COLEC12: variants seen among roughly 807,000 people sequenced by gnomAD.
COLEC12 encodes collectin-12.
Under a neutral mutation model 71.1 loss-of-function variants are expected in COLEC12, and 33 were observed. The observed-to-expected ratio is 0.46, with a 90% CI of 0.35 to 0.62. The LOEUF (loss-of-function observed/expected upper bound fraction) is 0.62. COLEC12 is among the 20% of genes least tolerant of loss of function. The pLI is 0.00. For missense variants in COLEC12, 765 were observed against 916.1 expected (o/e 0.84, Z 2.13); for synonymous variants, 350 against 353.0 (o/e 0.99, Z 0.10).
chr18:340,074 CA>C (rs60991743), intron 5 of COLEC12, among the ~76,000 whole-genome samples: 1,597 of 94,178 alleles, frequency 0.017, 8 homozygotes, highest in Non-Finnish European at 0.023. Context: ...TGCCTGAAAG[CA>C]AAAAAAAAAA....
At chr18:363,087 T>C (rs988667849) in intron 2 of COLEC12, among the ~76,000 whole-genome samples, 21 of 152,068 alleles carry the variant, frequency 1.4e-4, no homozygotes, top group African/African-American at 4.6e-4. Context: ...GGGGGAATAA[T>C]TGAAACGCTC....
intron 2 of COLEC12, among the ~76,000 whole-genome samples, chr18:469,515 T>C (rs1917152683): frequency 6.6e-6 from 1 of 152,214 alleles, no homozygotes; most frequent in Non-Finnish European, 1.5e-5. Flanking sequence ...GGACTAAGAA[T>C]GACCCTTTCC....
At chr18:324,979 A>G (rs112175770) in intron 8 of COLEC12, among the ~76,000 whole-genome samples, 41,099 of 152,076 alleles carry the variant, frequency 0.27, 5,810 homozygotes, top group African/African-American at 0.3. Context: ...ACTCGAGGCC[A>G]GGAGTTCAAG....
chr18:406,667 T>G (rs1373137805), intron 2 of COLEC12, among the ~76,000 whole-genome samples: 2 of 152,216 alleles, frequency 1.3e-5, no homozygotes, highest in Non-Finnish European at 2.9e-5. Flanking sequence ...TTGTGTGAGA[T>G]CCAAGAACCT....
Position 347,032 on chromosome 18 carries a change from T to G in COLEC12, c.590A>C (p.Tyr197Ser). 1 of 1,614,210 alleles carries G rather than the reference T, an allele frequency of 6.2e-7. No homozygotes were observed. The highest frequency in any genetic ancestry group is 8.5e-7 in the Non-Finnish European group (1 of 1,180,036). ...VLQGNLQNQMYSHNVVIMNLN... is the reference protein window; with the variant it reads ...VLQGNLQNQMSSHNVVIMNLN... ...GTTCATGATGACCACATTATGAGAA[T>G]ACATTTGGTTCTGCAGATTGCCCTG... Residue 197 changes from tyrosine (Y) to serine (S), a missense_variant, in exon 5 of 10, where the codon TAT becomes TCT. Tyr to Ser is a moderately radical substitution (Grantham distance 144, BLOSUM62 -2). Coordinates refer to ENST00000400256, the MANE Select transcript of COLEC12 (RefSeq NM_130386.3).
intron 2 of COLEC12, among the ~76,000 whole-genome samples, chr18:469,320 G>C (rs536601031): frequency 6.6e-6 from 1 of 152,376 alleles, no homozygotes; most frequent in South Asian, 2.1e-4. Flanking sequence ...CTGCGGGTGA[G>C]AGAGGAGGCA....
At chr18:324,701 T>C (rs528065005) in intron 8 of COLEC12, among the ~76,000 whole-genome samples, 1 of 151,944 alleles carries the variant, frequency 6.6e-6, no homozygotes, top group East Asian at 1.9e-4. Context: ...TGGTGGCAGG[T>C]GCCCGGAGTC....
chr18:340,768 C>T (rs576186028), intron 5 of COLEC12, among the ~76,000 whole-genome samples: 3 of 152,310 alleles, frequency 2.0e-5, no homozygotes, highest in Non-Finnish European at 4.4e-5. Flanking sequence ...TTTGAATGCA[C>T]TTAATCAAAT....
chr18:440,930 C>A (rs1318388303), intron 2 of COLEC12, among the ~76,000 whole-genome samples: 2 of 152,090 alleles, frequency 1.3e-5, no homozygotes, highest in African/African-American at 2.4e-5. Flanking sequence ...TATAAATAGG[C>A]TCCCTACAGC....
In COLEC12 at chr18:399,714, C is replaced by T. The variant is rs115171961; in HGVS notation, c.59-42192G>A. Among the ~76,000 whole-genome samples, 298 of 152,240 alleles carry T rather than the reference C, an allele frequency of 2.0e-3. 2 individuals carry two copies. Among genetic ancestry groups the T allele is most frequent in the African/African-American group, 5.9e-3 (247 of 41,542 alleles). ...ACCTGTTGTTAGTTCAACGGGGATG[C>T]GGAATTTGGGGTGGATGCCGAGCGC... On this transcript the variant is annotated intron_variant, in intron 2 of 9. Coordinates refer to ENST00000400256, the MANE Select transcript of COLEC12 (RefSeq NM_130386.3). This position sits in a 1 kb window ranked among gnomAD's most constrained non-coding sequence, Gnocchi z 4.0.
chr18:325,627 CTTTTTTTTTTTT>C (rs760407917), intron 8 of COLEC12, among the ~76,000 whole-genome samples: 5 of 51,838 alleles, frequency 9.6e-5, no homozygotes, highest in South Asian at 1.3e-3. Context: ...AAGGATCAGC[CTTTTTTTTTTTT>C]TTTTTTTTTT....
intron 2 of COLEC12, among the ~76,000 whole-genome samples, chr18:457,918 C>T (rs532996339): frequency 9.8e-5 from 15 of 152,294 alleles, no homozygotes; most frequent in African/African-American, 3.4e-4. Flanking sequence ...CCAACAGTTA[C>T]AGTAAGTTTG....
At chr18:445,634 A>ATTTTT (rs1916631509) in intron 2 of COLEC12, among the ~76,000 whole-genome samples, 1 of 23,018 alleles carries the variant, frequency 4.3e-5, no homozygotes, top group Non-Finnish European at 8.8e-5. Context: ...CCACTAATCC[A>ATTTTT]CTTTTTTTTT....
chr18:363,516 C>G (rs1567885071), intron 2 of COLEC12, among the ~76,000 whole-genome samples: 1 of 152,130 alleles, frequency 6.6e-6, no homozygotes. Flanking sequence ...TCGCAGTGAA[C>G]TTTTCATGTG....
intron 2 of COLEC12, among the ~76,000 whole-genome samples, chr18:366,834 G>A (rs1364177305): frequency 1.3e-5 from 2 of 152,202 alleles, no homozygotes; most frequent in African/African-American, 2.4e-5. Flanking sequence ...CTGTGGGCCG[G>A]GGTATGGATG....
chr18:332,961 A>G lies in COLEC12; in HGVS notation c.1953+46T>C, dbSNP rs2305028. 5 of 1,500,608 alleles carry G rather than the reference A, an allele frequency of 3.3e-6. No homozygotes were observed. The East Asian group carries it at 1.2e-4, about 35-fold the overall frequency. 93.0% of individuals were successfully genotyped at this position (1,500,608 alleles called of 1,614,324 possible). A position where few individuals can be genotyped will look rare whatever the true frequency, so the allele number is the denominator to read the frequency against. On this transcript the variant is annotated intron_variant, in intron 7 of 9. Coordinates refer to ENST00000400256, the MANE Select transcript of COLEC12 (RefSeq NM_130386.3). ...AGCCTGCAATTTCCAGATGTAAACT[A>G]TCCTTAAATTATAGTTTTCCCCAAC...
chr18:338,061 T>A (rs1214383185), intron 5 of COLEC12, among the ~76,000 whole-genome samples: 1 of 152,326 alleles, frequency 6.6e-6, no homozygotes, highest in Non-Finnish European at 1.5e-5. Context: ...CCCCACCTGA[T>A]CAGTCTGGCA....
rs1285918340 is a variant in COLEC12, at chr18:423,742, TTG to T, written c.58+56963_58+56964del. 3.4e-4 allele frequency: 51 copies of T among 151,350 alleles called. 1 individual carries two copies. The highest frequency in any genetic ancestry group is 1.9e-4 in the Non-Finnish European group (13 of 67,908). The allele number at this position is 151,350 out of a possible 1,614,324, so 9.4% of individuals were successfully genotyped here. A position where few individuals can be genotyped will look rare whatever the true frequency, so the allele number is the denominator to read the frequency against. ...TAAGAACGACTTCTGGTTTTGTTTTTTGTTTGTTTTTTTTTGTTTTGTTTTTT... is the reference window on the plus strand; with the variant it reads ...TAAGAACGACTTCTGGTTTTGTTTTTTTTGTTTTTTTTTGTTTTGTTTTTT... On this transcript the variant is annotated intron_variant, in intron 2 of 9. Coordinates refer to ENST00000400256, the MANE Select transcript of COLEC12 (RefSeq NM_130386.3).
intron 6 of COLEC12, chr18:334,160 C>T (rs1914049205): frequency 6.6e-6 from 1 of 152,348 alleles, no homozygotes; most frequent in Non-Finnish European, 1.5e-5. Context: ...CTTCGTCATT[C>T]CAGCCTGGGT....
Sources: allele counts gnomAD v4.1 joint callset (sites outside exome capture counted in the v4.1 genomes callset), GRCh38; gene constraint gnomAD v4.1.1; non-coding constraint Gnocchi (gnomAD v3.1); transcripts MANE v1.5; gene names NCBI Gene and HGNC (gene_info 2026-07-23, HGNC 2026-07-21).